PCDHGA7: variants seen among roughly 807,000 people sequenced by gnomAD.
The protein encoded by PCDHGA7 is protocadherin gamma-A7.
In PCDHGA7, 44 loss-of-function variants were observed where a neutral mutation model predicts 58.3. That is an observed-to-expected ratio of 0.75 (90% CI 0.59 to 0.97). The LOEUF (loss-of-function observed/expected upper bound fraction) is 0.97. PCDHGA7 is among the 50% of genes least tolerant of loss of function. The probability of loss-of-function intolerance (pLI) is 0.00; values close to 1 mark genes in which losing one functional copy is unlikely to be tolerated. For synonymous variants in PCDHGA7, 516 were observed against 504.2 expected, an observed-to-expected ratio of 1.02 and a Z score of -0.31; for missense variants, 1,266 against 1,188.7, an observed-to-expected ratio of 1.06 and a Z score of -0.96.
Position 141,384,071 on chromosome 5 carries a change from C to A in PCDHGA7, c.1172C>A (p.Pro391His), listed in dbSNP as rs1476893471. The A allele has an allele frequency of 1.2e-6, 2 of 1,603,074 alleles. No homozygotes were observed. Among genetic ancestry groups the A allele is most frequent in the Non-Finnish European group, 1.7e-6 (2 of 1,174,304 alleles). Residue 391 changes from proline to histidine, a missense_variant, in exon 1 of 4, where the codon CCT becomes CAT. Pro to His is a moderately conservative substitution (Grantham distance 77). Coordinates refer to ENST00000518325, the MANE Select transcript of PCDHGA7 (RefSeq NM_018920.4). ...EVTCTIPENL[P>H]FKLEKSIDNY... ...ACCTGCACCATTCCAGAAAACCTACCTTTTAAATTAGAAAAATCAATAGAT... is the reference window on the plus strand; with the variant it reads ...ACCTGCACCATTCCAGAAAACCTACATTTTAAATTAGAAAAATCAATAGAT...
At position 141,431,245 on chromosome 5, in the gene PCDHGA7, C is replaced by A. The variant is rs761126985; in HGVS notation, c.2424+45922C>A. The A allele has an allele frequency of 5.0e-6, 8 of 1,614,016 alleles. No individual in the cohort carries two copies. In the Admixed American group the frequency reaches 1.2e-4, roughly 24 times the overall value. On this transcript the variant is annotated intron_variant, in intron 1 of 3. Coordinates refer to ENST00000518325, the MANE Select transcript of PCDHGA7 (RefSeq NM_018920.4). This position sits in a 1 kb window ranked among gnomAD's most constrained non-coding sequence, Gnocchi z 4.8. ...TACCCCACGCCTGGGATCCGGATAT[C>A]GGGAAGAACTCTCTGCAGAGCTACG... is the stretch of plus-strand genomic sequence containing the variant.
At chr5:141,482,719 G>C (rs1221351410) in intron 1 of PCDHGA7, among the ~76,000 whole-genome samples, 1 of 129,252 alleles carries the variant, frequency 7.7e-6, no homozygotes, top group African/African-American at 3.5e-5. Flanking sequence ...GGCAGGGAGG[G>C]GCCATTGCAA....
intron 1 of PCDHGA7, chr5:141,441,940 G>T (rs2098285664): frequency 5.9e-6 from 2 of 341,298 alleles, no homozygotes; most frequent in Non-Finnish European, 1.1e-5. Flanking sequence ...GTCCTACCAC[G>T]TGCTGCAGGC....
At chr5:141,417,915 C>T in intron 1 of PCDHGA7, 1 of 1,603,354 alleles carries the variant, frequency 6.2e-7, no homozygotes. Flanking sequence ...GTACTATTTC[C>T]TTTGCTGCTG....
intron 1 of PCDHGA7, among the ~76,000 whole-genome samples, chr5:141,438,252 G>A (rs1181991674): frequency 6.6e-6 from 1 of 152,072 alleles, no homozygotes. Context: ...AACTGTCATT[G>A]AAGAGACCAT....
Position 141,383,480 on chromosome 5 carries a change from T to C in PCDHGA7, c.581T>C (p.Leu194Pro). The C allele has an allele frequency of 1.2e-6, 2 of 1,613,740 alleles. No individual in the cohort carries two copies. Among genetic ancestry groups the C allele is most frequent in the Non-Finnish European group, 1.7e-6 (2 of 1,179,790 alleles). ...SGDDETKYPE[L>P]VLERVLDREE... ...GACGATGAAACTAAGTACCCGGAAC[T>C]GGTGCTGGAGCGGGTGCTGGACCGG... The change falls in exon 1 of 4, where the codon CTG becomes CCG. Residue 194 changes from leucine to proline, a missense_variant. Leu to Pro is a moderately conservative substitution (Grantham distance 98). Coordinates refer to ENST00000518325, the MANE Select transcript of PCDHGA7 (RefSeq NM_018920.4).
Position 141,383,203 on chromosome 5 carries a change from T to A in PCDHGA7, c.304T>A (p.Cys102Ser), listed in dbSNP as rs755782697. The A allele has an allele frequency of 2.5e-6, 4 of 1,613,936 alleles. No homozygotes were observed. The highest frequency in any genetic ancestry group is 3.3e-5 in the Admixed American group (2 of 60,008). The change falls in exon 1 of 4, where the codon TGT becomes AGT. Residue 102 changes from cysteine (C) to serine (S), a missense_variant. Coordinates refer to ENST00000518325, the MANE Select transcript of PCDHGA7 (RefSeq NM_018920.4). Reference protein sequence around the residue: ...REEICAQSARCLVNFNILMED... With the variant: ...REEICAQSARSLVNFNILMED... ...AGAGATCTGCGCTCAGAGTGCGCGGTGTCTGGTAAACTTTAACATCCTGAT... is the reference window on the plus strand; with the variant it reads ...AGAGATCTGCGCTCAGAGTGCGCGGAGTCTGGTAAACTTTAACATCCTGAT...
chr5:141,449,154 A>G (rs2098630387), intron 1 of PCDHGA7, among the ~76,000 whole-genome samples: 1 of 152,180 alleles, frequency 6.6e-6, no homozygotes, highest in African/African-American at 2.4e-5. Flanking sequence ...TGGGTCAAAG[A>G]GGAAATAGGT....
intron 1 of PCDHGA7, among the ~76,000 whole-genome samples, chr5:141,436,010 A>G (rs1188507054): frequency 6.6e-6 from 1 of 152,168 alleles, no homozygotes; most frequent in Non-Finnish European, 1.5e-5. Context: ...AAGTATTTGA[A>G]TTTATCTAAA....
In PCDHGA7 at chr5:141,485,124, C is replaced by A; in HGVS notation, c.2425-9683C>A. ...GCTGCTGTGGCTGTTTGGGGCGGGT[C>A]GGCTTCATCCGCGTCTCAGGAGCAA... is the stretch of plus-strand genomic sequence containing the variant. On this transcript the variant is annotated intron_variant, in intron 1 of 3. Transcript: ENST00000518325. The surrounding 1 kb of genome is among the most constrained non-coding windows in gnomAD (Gnocchi z 5.7). 2 of 1,390,136 alleles carry A rather than the reference C, an allele frequency of 1.4e-6. No homozygotes were observed. The highest frequency in any genetic ancestry group is 2.5e-5 in the South Asian group (2 of 80,180). 86.1% of individuals were successfully genotyped at this position (1,390,136 alleles called of 1,614,324 possible). A position where few individuals can be genotyped will look rare whatever the true frequency, so the allele number is the denominator to read the frequency against.
rs767719494 is a variant in PCDHGA7 at position 141,491,200 on chromosome 5, C to T, written c.2425-3607C>T. On this transcript the variant is annotated intron_variant, in intron 1 of 3. Coordinates refer to ENST00000518325, the MANE Select transcript of PCDHGA7 (RefSeq NM_018920.4). This position sits in a 1 kb window ranked among gnomAD's most constrained non-coding sequence, Gnocchi z 6.9. The stretch of plus-strand genomic sequence containing the variant: ...GGTCCTGGTGAGGGACAATGGTGAC[C>T]CTTCACTCTCCTCCACAGCCACAGT... 4 of 1,614,158 alleles carry T rather than the reference C, an allele frequency of 2.5e-6. No individual in the cohort carries two copies. The highest frequency in any genetic ancestry group is 3.4e-6 in the Non-Finnish European group (4 of 1,180,000).
At chr5:141,409,050 G>C (rs371257178) in intron 1 of PCDHGA7, 1 of 1,613,988 alleles carries the variant, frequency 6.2e-7, no homozygotes. Context: ...TACTTCCGAA[G>C]CACTGCCCAG....
chr5:141,423,268 T>G (rs752667215), intron 1 of PCDHGA7: 1 of 1,613,552 alleles, frequency 6.2e-7, no homozygotes, highest in South Asian at 1.1e-5. Flanking sequence ...CAGCCTCGAG[T>G]CTCTGGCTAA....
Position 141,383,430 on chromosome 5 carries a change from C to T in PCDHGA7, c.531C>T (p.His177=). Residue 177 remains histidine, a synonymous_variant, in exon 1 of 4, where the codon CAC becomes CAT. Coordinates refer to ENST00000518325, the MANE Select transcript of PCDHGA7 (RefSeq NM_018920.4). ...LQSYQLSPNR[H]FSLAVQSGDD... The stretch of plus-strand genomic sequence containing the variant: ...GTTACCAGCTCAGCCCCAATCGCCA[C>T]TTCTCCCTGGCTGTGCAAAGTGGAG... 1 of 1,614,016 alleles carries T rather than the reference C, an allele frequency of 6.2e-7. No homozygotes were observed. The highest frequency in any genetic ancestry group is 8.5e-7 in the Non-Finnish European group (1 of 1,179,902).
At chr5:141,478,683 C>G (rs1355955377) in intron 1 of PCDHGA7, 14 of 1,551,164 alleles carry the variant, frequency 9.0e-6, no homozygotes, top group African/African-American at 1.4e-5. Flanking sequence ...CTGGCCCTTC[C>G]TAGATCAAAG....
chr5:141,383,981 C>T lies in PCDHGA7; in HGVS notation c.1082C>T (p.Pro361Leu). The T allele has an allele frequency of 1.9e-6, 3 of 1,613,792 alleles. No individual in the cohort carries two copies. The highest frequency in any genetic ancestry group is 2.5e-6 in the Non-Finnish European group (3 of 1,179,774). The change falls in exon 1 of 4, where the codon CCT becomes CTT. Residue 361 changes from proline to leucine, a missense_variant. By Grantham distance (98) the Pro-to-Leu change is moderately conservative (BLOSUM62 -3). Transcript: ENST00000518325. Reference sequence around the variant, plus strand: ...AGTAGCTCAATCCCTGAAGACACACCTCTTGGGACAGTCATTGCTCTTTTC... The same window carrying T: ...AGTAGCTCAATCCCTGAAGACACACTTCTTGGGACAGTCATTGCTCTTTTC... ...SLSSSIPEDT[P>L]LGTVIALFYL...
rs148433768 is a variant in PCDHGA7 at position 141,385,635 on chromosome 5, C to T, written c.2424+312C>T. 5.7e-6 allele frequency: 5 copies of T among 870,078 alleles called. No homozygotes were observed. The African/African-American group carries it at 8.9e-5, about 15-fold the overall frequency. 53.9% of individuals were successfully genotyped at this position (870,078 alleles called of 1,614,324 possible). A position where few individuals can be genotyped will look rare whatever the true frequency, so the allele number is the denominator to read the frequency against. On this transcript the variant is annotated intron_variant, in intron 1 of 3. Transcript: ENST00000518325. ...TTTTATACATTGGAATGAATCGAGT[C>T]TTTCATATTGCACAAGGTTAGCAGG...
rs537196945 is a variant in PCDHGA7 at position 141,470,749 on chromosome 5, G to A, written c.2425-24058G>A. 3.9e-5 allele frequency among the ~76,000 whole-genome samples: 6 copies of A among 152,260 alleles called. No individual in the cohort carries two copies. The East Asian group carries it at 7.7e-4, about 20-fold the overall frequency. On this transcript the variant is annotated intron_variant, in intron 1 of 3. Coordinates refer to ENST00000518325, the MANE Select transcript of PCDHGA7 (RefSeq NM_018920.4). ...GTCTTGCTCTGTCGCCCTGGCTGGAGTGCAGTGGACTCACTACAGTCTTGA... is the reference window on the plus strand; with the variant it reads ...GTCTTGCTCTGTCGCCCTGGCTGGAATGCAGTGGACTCACTACAGTCTTGA...
intron 1 of PCDHGA7, among the ~76,000 whole-genome samples, chr5:141,425,040 A>G (rs2096853898): frequency 6.6e-6 from 1 of 152,182 alleles, no homozygotes; most frequent in South Asian, 2.1e-4. Flanking sequence ...TTAGTTGTAA[A>G]CTGACTATCT....
Sources: gnomAD v4.1 joint callset for allele counts (sites outside exome capture counted in the v4.1 genomes callset) on GRCh38, gnomAD v4.1.1 for gene constraint, Gnocchi (gnomAD v3.1) non-coding constraint, MANE v1.5 for transcripts, NCBI Gene and HGNC (gene_info 2026-07-23, HGNC 2026-07-21) for gene names.